Variants in GLG1 observed in about 807,000 individuals in gnomAD.
The protein encoded by GLG1 is golgi glycoprotein 1.
A neutral mutation model predicts 160.5 loss-of-function variants in GLG1; 38 were observed. That is an observed-to-expected ratio of 0.24 (90% CI 0.18 to 0.31). The LOEUF is 0.31. GLG1 is among the 10% of genes least tolerant of loss of function. The probability of loss-of-function intolerance (pLI) is 1.00; values close to 1 mark genes in which losing one functional copy is unlikely to be tolerated. For synonymous variants in GLG1, 644 were observed against 543.4 expected (o/e 1.19, Z -2.57); for missense variants, 1,373 against 1,505.2 (o/e 0.91, Z 1.45).
intron 11 of GLG1, among the ~76,000 whole-genome samples, chr16:74,477,992 A>ATAAATAAATAAATAAG (rs1399425510): frequency 2.0e-5 from 3 of 150,958 alleles, no homozygotes; most frequent in African/African-American, 7.3e-5. Flanking sequence ...AAATAAATAA[A>ATAAATAAATAAATAAG]TAAATAAATA....
chr16:74,596,006 G>A (rs929635671), intron 1 of GLG1, among the ~76,000 whole-genome samples: 1 of 151,756 alleles, frequency 6.6e-6, no homozygotes, highest in Non-Finnish European at 1.5e-5. Context: ...GCCCATAGTC[G>A]CAGCCACTCG....
intron 4 of GLG1, among the ~76,000 whole-genome samples, chr16:74,499,709 T>C (rs1364867040): frequency 4.6e-5 from 7 of 152,170 alleles, no homozygotes; most frequent in Non-Finnish European, 1.0e-4. Context: ...CATTAGGTCA[T>C]AACAACACTT....
At chr16:74,464,628 C>T (rs1372430374) in intron 19 of GLG1, among the ~76,000 whole-genome samples, 1 of 152,178 alleles carries the variant, frequency 6.6e-6, no homozygotes, top group Non-Finnish European at 1.5e-5. Context: ...GGATTGTTCA[C>T]TGACTTTTAG....
chr16:74,502,066 C>T (rs2016424390), intron 4 of GLG1, among the ~76,000 whole-genome samples: 2 of 152,202 alleles, frequency 1.3e-5, no homozygotes, highest in Admixed American at 6.5e-5. Context: ...ATCCTAACAC[C>T]ATGTCCCCTT....
At chr16:74,517,799 G>T (rs1174420238) in intron 2 of GLG1, among the ~76,000 whole-genome samples, 1 of 152,028 alleles carries the variant, frequency 6.6e-6, no homozygotes, top group Non-Finnish European at 1.5e-5. Context: ...ATTTAGAAAA[G>T]CCCGTCATCT....
chr16:74,590,526 CAGG>C (rs1214632588), intron 1 of GLG1, among the ~76,000 whole-genome samples: 2 of 149,004 alleles, frequency 1.3e-5, no homozygotes, highest in African/African-American at 5.0e-5. Context: ...AAGGCTGAGG[CAGG>C]AGAATGGCGT....
rs1339729628 is a variant in GLG1, at chr16:74,603,425, GAA to G, written c.438+3230_438+3231del. On this transcript the variant is annotated intron_variant, in intron 1 of 25. Coordinates refer to ENST00000422840, the MANE Select transcript of GLG1 (RefSeq NM_001145667.2). ...CTCCGTCTCAAAAAAAAAAAAAAAA[GAA>G]AATCTAATCTATGAACATCACAAAC... 4.0e-3 allele frequency among the ~76,000 whole-genome samples: 551 copies of G among 136,992 alleles called. 1 individual carries two copies. The highest frequency in any genetic ancestry group is 5.7e-3 in the Non-Finnish European group (357 of 62,914). The allele number at this position is 136,992 out of a possible 152,430, so 89.9% of individuals were successfully genotyped here.
At chr16:74,498,489 A>G in intron 4 of GLG1, among the ~76,000 whole-genome samples, 1 of 87,684 alleles carries the variant, frequency 1.1e-5, no homozygotes, top group Non-Finnish European at 2.4e-5. Flanking sequence ...TATATATTTT[A>G]TATATAGTGC....
intron 25 of GLG1, among the ~76,000 whole-genome samples, chr16:74,455,060 G>A (rs561152682): frequency 1.6e-4 from 25 of 152,082 alleles, no homozygotes; most frequent in Non-Finnish European, 2.9e-4. Context: ...CCACTGCACC[G>A]CAAACAAGAC....
intron 11 of GLG1, among the ~76,000 whole-genome samples, chr16:74,477,977 A>AAAGCAAACAAAT (rs1555508275): frequency 7.1e-6 from 1 of 140,148 alleles, no homozygotes; most frequent in African/African-American, 2.6e-5. Flanking sequence ...CCGTCTCAAA[A>AAAGCAAACAAAT]AAATAAATAA....
Position 74,451,043 on chromosome 16 carries a change from C to T in GLG1, c.*2124G>A, listed in dbSNP as rs1597208449. 1.3e-5 allele frequency: 2 copies of T among 152,262 alleles called. No homozygotes were observed. Among genetic ancestry groups the T allele is most frequent in the African/African-American group, 2.4e-5 (1 of 41,442 alleles). 9.4% of individuals were successfully genotyped at this position (152,262 alleles called of 1,614,324 possible). On this transcript the variant is annotated 3_prime_UTR_variant, in exon 26 of 26. Transcript: ENST00000422840. ...ATACCCCACCCGGTCAAACAGTGAA[C>T]ATCCATCCTACCTGCAAACCACACC...
At chr16:74,574,348 C>A (rs1303349859) in intron 1 of GLG1, among the ~76,000 whole-genome samples, 1 of 152,106 alleles carries the variant, frequency 6.6e-6, no homozygotes, top group Non-Finnish European at 1.5e-5. Flanking sequence ...AAAATATTAT[C>A]TAATATAAAA....
intron 1 of GLG1, among the ~76,000 whole-genome samples, chr16:74,591,888 C>T (rs1162232798): frequency 6.6e-6 from 1 of 152,018 alleles, no homozygotes; most frequent in East Asian, 1.9e-4. Flanking sequence ...TTCTTTTTCC[C>T]CTTATACGTG....
chr16:74,498,260 G>A (rs1159884489), intron 4 of GLG1, among the ~76,000 whole-genome samples: 6 of 149,960 alleles, frequency 4.0e-5, no homozygotes, highest in Non-Finnish European at 7.4e-5. Flanking sequence ...GTGAAACCCT[G>A]TCTCTACTAA....
At chr16:74,600,625 G>A (rs1480572183) in intron 1 of GLG1, among the ~76,000 whole-genome samples, 2 of 151,414 alleles carry the variant, frequency 1.3e-5, no homozygotes, top group African/African-American at 2.4e-5. Context: ...CCAGCTACTC[G>A]GGAGGCTGAG....
At chr16:74,496,303 G>C in intron 5 of GLG1, 138 bp downstream of exon 5, 2 of 619,172 alleles carry the variant, frequency 3.2e-6, no homozygotes, top group Non-Finnish European at 5.6e-6. Flanking sequence ...CACTGCTTCA[G>C]GTCAGAAGTT....
intron 25 of GLG1, among the ~76,000 whole-genome samples, chr16:74,454,341 G>A (rs912966275): frequency 6.6e-6 from 1 of 151,720 alleles, no homozygotes; most frequent in Non-Finnish European, 1.5e-5. Context: ...GAGTAGCTGA[G>A]ACTACAAGTG....
At chr16:74,550,645 T>G (rs1239687566) in intron 1 of GLG1, among the ~76,000 whole-genome samples, 1 of 152,168 alleles carries the variant, frequency 6.6e-6, no homozygotes, top group Non-Finnish European at 1.5e-5. Flanking sequence ...TTTATAATCT[T>G]AAGACTCAAT....
At chr16:74,546,576 C>T (rs1248012615) in intron 1 of GLG1, among the ~76,000 whole-genome samples, 3 of 151,804 alleles carry the variant, frequency 2.0e-5, no homozygotes, top group Non-Finnish European at 2.9e-5. Context: ...GTGGCTCACA[C>T]CTGTAACCCC....
Sources: allele counts gnomAD v4.1 joint callset (sites outside exome capture counted in the v4.1 genomes callset), GRCh38; gene constraint gnomAD v4.1.1; transcripts MANE v1.5; gene names NCBI Gene and HGNC (gene_info 2026-07-23, HGNC 2026-07-21).